Variants in TRIM69 observed in about 807,000 individuals in gnomAD.
The protein encoded by TRIM69 is tripartite motif containing 69, also known as E3 ubiquitin-protein ligase TRIM69.
TRIM69 carries 29 observed loss-of-function variants against 37.7 expected under a neutral mutation model. The ratio of observed to expected loss-of-function variants is 0.77; its 90% CI spans 0.57 to 1.05. The LOEUF (loss-of-function observed/expected upper bound fraction) is 1.05. Ranked by LOEUF, TRIM69 falls within the 50% of genes least tolerant of loss-of-function variation. The probability of loss-of-function intolerance (pLI) is 0.00; values close to 1 mark genes in which losing one functional copy is unlikely to be tolerated. For missense variants in TRIM69, 596 were observed against 579.9 expected, an observed-to-expected ratio of 1.03 and a Z score of -0.28; for synonymous variants, 209 against 212.4, an observed-to-expected ratio of 0.98 and a Z score of 0.14.
At position 44,755,265 on chromosome 15, in the gene TRIM69, G is replaced by T. The variant is rs145191382; in HGVS notation, c.372G>T (p.Leu124=). 5.6e-6 allele frequency: 9 copies of T among 1,614,206 alleles called. No individual in the cohort carries two copies. Among genetic ancestry groups the T allele is most frequent in the Non-Finnish European group, 7.6e-6 (9 of 1,180,046 alleles). The stretch of plus-strand genomic sequence containing the variant: ...CAGAGCATGGAGAGAACCTGAAACT[G>T]TTCAGTAAACCAGATGGGAAACTGA... ...QCPEHGENLK[L]FSKPDGKLIC... The change falls in exon 2 of 7, where the codon CTG becomes CTT. Residue 124 remains leucine (L), a synonymous_variant. Transcript: ENST00000329464.
chr15:44,758,535 A>G (rs1208942758), intron 3 of TRIM69, 86 bp from the exon 4 acceptor site: 1 of 1,548,754 alleles, frequency 6.5e-7, no homozygotes, highest in Non-Finnish European at 8.7e-7. Flanking sequence ...GGTATTTACC[A>G]AGTGTGTGAG....
At chr15:44,749,669 A>C (rs2087480123) in intron 1 of TRIM69, among the ~76,000 whole-genome samples, 1 of 152,194 alleles carries the variant, frequency 6.6e-6, no homozygotes, top group African/African-American at 2.4e-5. Context: ...GCCTATTGTG[A>C]ATAGTGCTGC....
chr15:44,739,825 C>G (rs2087242552), intron 1 of TRIM69, among the ~76,000 whole-genome samples: 1 of 151,800 alleles, frequency 6.6e-6, no homozygotes, highest in Admixed American at 6.6e-5. Context: ...AAAAAGACAT[C>G]AGTAACCTCT....
chr15:44,759,932 A>G, intron 6 of TRIM69, 60 bp downstream of exon 6: 2 of 1,560,936 alleles, frequency 1.3e-6, no homozygotes, highest in Non-Finnish European at 1.7e-6. Flanking sequence ...AATCTGTGGG[A>G]CTTCTTCTGT....
chr15:44,744,332 G>A (rs2087357007), intron 1 of TRIM69, among the ~76,000 whole-genome samples: 1 of 143,506 alleles, frequency 7.0e-6, no homozygotes, highest in Non-Finnish European at 1.5e-5. Flanking sequence ...GGGAGGGATA[G>A]CATTAGGAGA....
At chr15:44,752,229 ATT>A (rs2087549904) in intron 1 of TRIM69, among the ~76,000 whole-genome samples, 1 of 151,988 alleles carries the variant, frequency 6.6e-6, no homozygotes, top group South Asian at 2.1e-4. Flanking sequence ...ATTTTGTACG[ATT>A]TTTTAGAACT....
At chr15:44,742,870 G>A (rs1236806488) in intron 1 of TRIM69, among the ~76,000 whole-genome samples, 25 of 151,422 alleles carry the variant, frequency 1.7e-4, no homozygotes, top group Admixed American at 7.2e-4. Context: ...AATCAGTATC[G>A]TGAAAATGGC....
chr15:44,755,470 C>G (rs1007654709), intron 2 of TRIM69, 94 bp downstream of exon 2: 11 of 941,590 alleles, frequency 1.2e-5, no homozygotes, highest in Non-Finnish European at 1.6e-6. Context: ...TCCCTTTATT[C>G]AAATGATGAT....
chr15:44,745,862 A>G (rs932351055), intron 1 of TRIM69, among the ~76,000 whole-genome samples: 6 of 152,012 alleles, frequency 3.9e-5, no homozygotes, highest in African/African-American at 7.2e-5. Flanking sequence ...AAGATCAGGG[A>G]AAAAAAAGAA....
At chr15:44,746,715 T>C (rs939668377) in intron 1 of TRIM69, among the ~76,000 whole-genome samples, 1 of 151,502 alleles carries the variant, frequency 6.6e-6, no homozygotes, top group Non-Finnish European at 1.5e-5. Flanking sequence ...TTGAGGACAT[T>C]TGAAATATTC....
In TRIM69 at chr15:44,756,099, C is replaced by A. The variant is rs182830502; in HGVS notation, c.484-269C>A. Among the ~76,000 whole-genome samples the A allele has an allele frequency of 1.6e-3, 250 of 151,942 alleles. 2 individuals carry two copies. The highest frequency in any genetic ancestry group is 5.9e-3 in the African/African-American group (243 of 41,422). ...TTTGAGATGGGTCTCACTATGTTGC[C>A]CAGGCTGGTCTCAAACTCCTGGGCC... is the stretch of plus-strand genomic sequence containing the variant. On this transcript the variant is annotated intron_variant, in intron 2 of 6. Coordinates refer to ENST00000329464, the MANE Select transcript of TRIM69 (RefSeq NM_182985.5).
intron 1 of TRIM69, chr15:44,753,447 T>C (rs1000113109): frequency 3.9e-5 from 6 of 152,202 alleles, no homozygotes; most frequent in African/African-American, 1.4e-4. Flanking sequence ...AACAGTTTTT[T>C]TCTTTCGGCA....
chr15:44,760,086 A>G (rs1394692214), intron 6 of TRIM69, among the ~76,000 whole-genome samples: 1 of 152,198 alleles, frequency 6.6e-6, no homozygotes, highest in Non-Finnish European at 1.5e-5. Context: ...TGAGTTTGAT[A>G]TCAGGATTAC....
intron 6 of TRIM69, among the ~76,000 whole-genome samples, chr15:44,762,933 C>G (rs1566900631): frequency 6.6e-6 from 1 of 151,886 alleles, no homozygotes; most frequent in Non-Finnish European, 1.5e-5. Context: ...TTTTAGGACA[C>G]TTTTAGATTT....
At chr15:44,762,445 CT>C (rs929911503) in intron 6 of TRIM69, among the ~76,000 whole-genome samples, 1 of 152,020 alleles carries the variant, frequency 6.6e-6, no homozygotes, top group Non-Finnish European at 1.5e-5. Context: ...TCTTCAAATA[CT>C]TTTTTACCAA....
chr15:44,742,334 A>G (rs1308799031), intron 1 of TRIM69, among the ~76,000 whole-genome samples: 1 of 128,988 alleles, frequency 7.8e-6, no homozygotes, highest in African/African-American at 2.8e-5. Context: ...AATAAGAGCT[A>G]TCTATGACAA....
At chr15:44,749,603 A>C (rs2087478905) in intron 1 of TRIM69, among the ~76,000 whole-genome samples, 1 of 152,216 alleles carries the variant, frequency 6.6e-6, no homozygotes, top group Non-Finnish European at 1.5e-5. Flanking sequence ...CATTGTATGA[A>C]TATGGCACAC....
chr15:44,746,346 T>C (rs1475320320), intron 1 of TRIM69, among the ~76,000 whole-genome samples: 2 of 152,054 alleles, frequency 1.3e-5, no homozygotes, highest in Admixed American at 1.3e-4. Context: ...CTACAAAAAA[T>C]GACAAAGGGA....
chr15:44,746,729 C>A (rs1289203387), intron 1 of TRIM69, among the ~76,000 whole-genome samples: 1 of 146,114 alleles, frequency 6.8e-6, no homozygotes, highest in Non-Finnish European at 1.5e-5. Context: ...AATATTCTGC[C>A]CACTCCCAGC....
Sources: gnomAD v4.1 joint callset for allele counts (sites outside exome capture counted in the v4.1 genomes callset) on GRCh38, gnomAD v4.1.1 for gene constraint, MANE v1.5 for transcripts, NCBI Gene and HGNC (gene_info 2026-07-23, HGNC 2026-07-21) for gene names.